AGBL1: variants seen among roughly 807,000 people sequenced by gnomAD.
The protein encoded by AGBL1 is AGBL carboxypeptidase 1, also known as cytosolic carboxypeptidase 4.
Under a neutral mutation model 118.9 loss-of-function variants are expected in AGBL1, and 130 were observed. The observed-to-expected ratio is 1.09, with a 90% confidence interval of 0.95 to 1.26. The LOEUF (loss-of-function observed/expected upper bound fraction) is 1.26. Among genes scored for constraint, AGBL1 ranks in the 50% most tolerant of loss-of-function variants. The pLI, the probability that AGBL1 is intolerant of heterozygous loss-of-function variation, is 0.00. For synonymous variants in AGBL1, 555 were observed against 478.9 expected (o/e 1.16, Z -2.08); for missense variants, 1,584 against 1,298.1 (o/e 1.22, Z -3.38).
rs190012750 is a variant in AGBL1, at chr15:86,507,669, T to G, written c.2556-15141T>G. ...GATGAGATGACATTTGAACAGAAAC[T>G]TGAGAGAGTAAACCATGGATATTTG... On this transcript the variant is annotated intron_variant, in intron 18 of 22. Transcript: ENST00000614907. 1.3e-3 allele frequency among the ~76,000 whole-genome samples: 198 copies of G among 152,036 alleles called. 3 individuals carry two copies. In the South Asian group the frequency reaches 0.022, roughly 17 times the overall value.
At chr15:86,191,691 C>G (rs7165613) in intron 5 of AGBL1, among the ~76,000 whole-genome samples, 35,038 of 151,840 alleles carry the variant, frequency 0.23, 4,487 homozygotes, top group East Asian at 0.38. Context: ...TCACTTGCCT[C>G]TGCTGTAAAT....
Position 86,453,659 on chromosome 15 carries a change from C to T in AGBL1, c.2555+56113C>T, listed in dbSNP as rs189850052. Among the ~76,000 whole-genome samples the T allele has an allele frequency of 1.1e-4, 16 of 152,244 alleles. No individual in the cohort carries two copies. In the East Asian group the frequency reaches 2.9e-3, roughly 28 times the overall value. ...TAAGCTGGTCAATTTATTTTATTAG[C>T]ATCTTTTCCAGTGCCTGACCCTAAA... is the stretch of plus-strand genomic sequence containing the variant. On this transcript the variant is annotated intron_variant, in intron 18 of 22. Coordinates refer to ENST00000614907, the MANE Select transcript of AGBL1 (RefSeq NM_001386094.1).
At chr15:86,868,893 G>A (rs1269294395) in intron 22 of AGBL1, among the ~76,000 whole-genome samples, 1 of 152,212 alleles carries the variant, frequency 6.6e-6, no homozygotes, top group South Asian at 2.1e-4. Context: ...CAACGGGTAT[G>A]AATTAAACTG....
intron 23 of AGBL1, among the ~76,000 whole-genome samples, chr15:86,984,919 G>A (rs1393650456): frequency 1.3e-5 from 2 of 152,098 alleles, no homozygotes; most frequent in Non-Finnish European, 1.5e-5. Flanking sequence ...ACAGACAACC[G>A]ATGATCTGCC....
intron 22 of AGBL1, among the ~76,000 whole-genome samples, chr15:86,772,188 G>A (rs935196361): frequency 3.3e-5 from 5 of 151,878 alleles, no homozygotes; most frequent in Admixed American, 3.3e-4. Context: ...AAATTAAATT[G>A]GGGTTGAGCA....
chr15:86,413,164 C>T (rs2081645293), intron 18 of AGBL1, among the ~76,000 whole-genome samples: 1 of 152,112 alleles, frequency 6.6e-6, no homozygotes, highest in African/African-American at 2.4e-5. Context: ...CGGCCCCACC[C>T]TTTCTTTATA....
At chr15:86,784,167 T>C (rs1318934284) in intron 22 of AGBL1, among the ~76,000 whole-genome samples, 1 of 152,182 alleles carries the variant, frequency 6.6e-6, no homozygotes, top group Non-Finnish European at 1.5e-5. Context: ...ATAACTTATA[T>C]AGTATTTAGG....
At chr15:86,690,429 A>G (rs1278182928) in intron 22 of AGBL1, among the ~76,000 whole-genome samples, 1 of 152,150 alleles carries the variant, frequency 6.6e-6, no homozygotes, top group African/African-American at 2.4e-5. Context: ...TCATCTTAAT[A>G]AAGAAATCCA....
At chr15:87,003,531 G>A (rs922678229) in intron 24 of AGBL1, among the ~76,000 whole-genome samples, 19 of 151,994 alleles carry the variant, frequency 1.3e-4, no homozygotes, top group African/African-American at 4.6e-4. Context: ...TCTATTAATT[G>A]GAATAGTTTC....
chr15:86,267,430 T>C (rs2079092137), intron 13 of AGBL1, among the ~76,000 whole-genome samples: 4 of 152,198 alleles, frequency 2.6e-5, no homozygotes, highest in Admixed American at 6.5e-5. Context: ...TGTTTATACT[T>C]TGATGCCAAG....
intron 17 of AGBL1, among the ~76,000 whole-genome samples, chr15:86,343,942 C>T (rs1454230013): frequency 6.6e-6 from 1 of 152,170 alleles, no homozygotes; most frequent in Non-Finnish European, 1.5e-5. Context: ...TTGAATCACT[C>T]CACAGTTTCT....
chr15:86,691,161 T>A (rs1174966209), intron 22 of AGBL1, among the ~76,000 whole-genome samples: 1 of 152,110 alleles, frequency 6.6e-6, no homozygotes, highest in Non-Finnish European at 1.5e-5. Context: ...AATACTGTTG[T>A]GTGGTGTATT....
chr15:86,443,319 G>A (rs2082086288), intron 18 of AGBL1, among the ~76,000 whole-genome samples: 1 of 152,042 alleles, frequency 6.6e-6, no homozygotes, highest in African/African-American at 2.4e-5. Flanking sequence ...TTCCACTTTT[G>A]TTACTTTTAA....
chr15:86,837,129 G>A (rs374773944), intron 22 of AGBL1, among the ~76,000 whole-genome samples: 10 of 151,380 alleles, frequency 6.6e-5, no homozygotes, highest in South Asian at 4.2e-4. Context: ...TATTCTTAGC[G>A]CATTTCACAG....
intron 23 of AGBL1, among the ~76,000 whole-genome samples, chr15:86,954,351 G>T (rs771104713): frequency 1.3e-4 from 20 of 152,130 alleles, no homozygotes; most frequent in Non-Finnish European, 2.1e-4. Flanking sequence ...ACTCACACTT[G>T]TATGTTCATC....
At chr15:86,216,699 C>T (rs1003770013) in intron 5 of AGBL1, among the ~76,000 whole-genome samples, 12 of 152,182 alleles carry the variant, frequency 7.9e-5, no homozygotes, top group Admixed American at 6.5e-5. Context: ...GGCTTCTACT[C>T]TTGTCTTCCT....
intron 18 of AGBL1, among the ~76,000 whole-genome samples, chr15:86,508,810 C>T (rs930896504): frequency 1.4e-4 from 21 of 152,082 alleles, no homozygotes; most frequent in African/African-American, 3.4e-4. Flanking sequence ...TGTAGTTAAG[C>T]GAAAATTCAG....
intron 6 of AGBL1, among the ~76,000 whole-genome samples, chr15:86,236,917 A>G (rs1314315191): frequency 1.3e-4 from 5 of 38,120 alleles, no homozygotes; most frequent in Non-Finnish European, 1.0e-4. Context: ...TTCCACACAC[A>G]CGGGGATATG....
At chr15:86,930,072 T>C (rs1383413910) in intron 23 of AGBL1, among the ~76,000 whole-genome samples, 4 of 152,084 alleles carry the variant, frequency 2.6e-5, no homozygotes, top group Non-Finnish European at 5.9e-5. Flanking sequence ...ATCATGGTAT[T>C]TGTCTTCCCC....
Sources: gnomAD v4.1 joint callset for allele counts (sites outside exome capture counted in the v4.1 genomes callset) on GRCh38, gnomAD v4.1.1 for gene constraint, MANE v1.5 for transcripts, NCBI Gene and HGNC (gene_info 2026-07-23, HGNC 2026-07-21) for gene names.